The following TAFA1 variants were observed in gnomAD, a reference collection of about 807,000 sequenced individuals.
The protein encoded by TAFA1 is TAFA chemokine like family member 1, also known as chemokine-like protein TAFA-1.
In TAFA1, 4 loss-of-function variants were observed where a neutral mutation model predicts 18.5. The ratio of observed to expected loss-of-function variants is 0.22; its 90% confidence interval spans 0.11 to 0.49. The LOEUF is 0.49. TAFA1 is among the 20% of genes least tolerant of loss of function. TAFA1 has a pLI of 0.98. For synonymous variants in TAFA1, 56 were observed against 55.2 expected, an observed-to-expected ratio of 1.01 and a Z score of -0.06; for missense variants, 147 against 169.0, an observed-to-expected ratio of 0.87 and a Z score of 0.72.
At chr3:68,407,053 C>T (rs910456267) in intron 2 of TAFA1, among the ~76,000 whole-genome samples, 2 of 151,986 alleles carry the variant, frequency 1.3e-5, no homozygotes, top group African/African-American at 4.8e-5. Flanking sequence ...AATTTTATTT[C>T]AGGGAGATAA....
chr3:68,059,886 T>C (rs2064580079), intron 2 of TAFA1, among the ~76,000 whole-genome samples: 1 of 152,134 alleles, frequency 6.6e-6, no homozygotes, highest in Non-Finnish European at 1.5e-5. Flanking sequence ...AAGCCTAAAT[T>C]GCTGGGTGCA....
intron 2 of TAFA1, among the ~76,000 whole-genome samples, chr3:68,033,576 T>C (rs78358560): frequency 0.017 from 2,616 of 152,300 alleles, 68 homozygotes; most frequent in African/African-American, 0.059. Flanking sequence ...TGTACTTTTA[T>C]ATGCATGTAA....
At chr3:68,085,383 A>C (rs1335342747) in intron 2 of TAFA1, among the ~76,000 whole-genome samples, 1 of 152,348 alleles carries the variant, frequency 6.6e-6, no homozygotes, top group Non-Finnish European at 1.5e-5. Flanking sequence ...TTATTTGATT[A>C]TGATTACATG....
At chr3:68,327,795 G>T (rs967494941) in intron 2 of TAFA1, among the ~76,000 whole-genome samples, 2 of 152,080 alleles carry the variant, frequency 1.3e-5, no homozygotes, top group Admixed American at 6.6e-5. Flanking sequence ...ATTAATGAAG[G>T]CTTTTCAAAT....
intron 2 of TAFA1, among the ~76,000 whole-genome samples, chr3:68,076,473 C>T (rs1334985050): frequency 7.4e-6 from 1 of 134,350 alleles, no homozygotes; most frequent in Non-Finnish European, 1.6e-5. Flanking sequence ...CCACCCCCCA[C>T]CAGTCCCCAG....
chr3:68,358,844 AACTG>A (rs2069416428), intron 2 of TAFA1, among the ~76,000 whole-genome samples: 1 of 151,620 alleles, frequency 6.6e-6, no homozygotes, highest in Non-Finnish European at 1.5e-5. Flanking sequence ...CATTTTTGTA[AACTG>A]TTGTCACCAA....
chr3:68,269,290 C>A (rs1296063996), intron 2 of TAFA1, among the ~76,000 whole-genome samples: 1 of 150,968 alleles, frequency 6.6e-6, no homozygotes, highest in African/African-American at 2.4e-5. Context: ...CCTATCTTTA[C>A]AATTTCTTTT....
intron 2 of TAFA1, among the ~76,000 whole-genome samples, chr3:68,409,455 G>C (rs998503264): frequency 1.4e-4 from 21 of 150,134 alleles, no homozygotes; most frequent in African/African-American, 4.5e-4. Context: ...TATAAAATCT[G>C]ATGATTTTAA....
chr3:68,410,704 GCAAAAAAAA>G (rs2070698238), intron 2 of TAFA1, among the ~76,000 whole-genome samples: 1 of 1,378 alleles, frequency 7.3e-4, no homozygotes, highest in Non-Finnish European at 1.5e-3. Flanking sequence ...TTTTCCATAA[GCAAAAAAAA>G]AAAAAAAAAA....
intron 2 of TAFA1, among the ~76,000 whole-genome samples, chr3:68,332,652 A>G (rs1398941804): frequency 6.6e-6 from 1 of 152,234 alleles, no homozygotes; most frequent in Non-Finnish European, 1.5e-5. Flanking sequence ...GAAGGAGACC[A>G]ACAGGTATGT....
At chr3:68,264,979 A>G (rs12330558) in intron 2 of TAFA1, among the ~76,000 whole-genome samples, 11,902 of 152,220 alleles carry the variant, frequency 0.078, 511 homozygotes, top group South Asian at 0.12. Context: ...ATGTCTCTCC[A>G]TATAGAATTC....
intron 2 of TAFA1, among the ~76,000 whole-genome samples, chr3:68,160,827 G>A (rs1429218338): frequency 6.6e-6 from 1 of 152,206 alleles, no homozygotes; most frequent in Non-Finnish European, 1.5e-5. Context: ...GGAGGAGAAA[G>A]GGTTTAGGTC....
intron 3 of TAFA1, among the ~76,000 whole-genome samples, chr3:68,518,130 T>C (rs1050458809): frequency 2.6e-5 from 4 of 152,240 alleles, no homozygotes; most frequent in Non-Finnish European, 5.9e-5. Context: ...CATCCCTTTT[T>C]CAACCTCCTC....
intron 2 of TAFA1, among the ~76,000 whole-genome samples, chr3:68,251,508 A>G (rs1343618413): frequency 1.3e-5 from 2 of 152,218 alleles, no homozygotes; most frequent in Non-Finnish European, 2.9e-5. Context: ...TGAAGAAAAC[A>G]AAGATTTGCA....
chr3:68,376,243 A>C (rs1406402199), intron 2 of TAFA1, among the ~76,000 whole-genome samples: 2 of 150,886 alleles, frequency 1.3e-5, no homozygotes, highest in Non-Finnish European at 3.0e-5. Context: ...ATTCTATCCT[A>C]GTTCTTTTTT....
intron 2 of TAFA1, among the ~76,000 whole-genome samples, chr3:68,391,366 A>G (rs1386772703): frequency 2.0e-5 from 3 of 152,202 alleles, no homozygotes; most frequent in Non-Finnish European, 4.4e-5. Context: ...GGACTATGTG[A>G]AAAGACCAGA....
At chr3:68,010,523 A>T (rs972348298) in intron 2 of TAFA1, among the ~76,000 whole-genome samples, 2 of 152,216 alleles carry the variant, frequency 1.3e-5, no homozygotes, top group African/African-American at 2.4e-5. Context: ...TTCTCAATGC[A>T]GTGGGTTTGT....
chr3:68,022,966 G>GT (rs752272309), intron 2 of TAFA1, among the ~76,000 whole-genome samples: 1,971 of 122,062 alleles, frequency 0.016, 35 homozygotes, highest in African/African-American at 0.049. Flanking sequence ...AGTTACTCTT[G>GT]TTTTTTTTTT....
chr3:68,450,590 A>G (rs2106893612), intron 3 of TAFA1, among the ~76,000 whole-genome samples: 1 of 152,338 alleles, frequency 6.6e-6, no homozygotes, highest in Admixed American at 6.5e-5. Context: ...CCACTGCACA[A>G]GAGTGAAAAG....
Sources: allele counts gnomAD v4.1 joint callset (sites outside exome capture counted in the v4.1 genomes callset), GRCh38; gene constraint gnomAD v4.1.1; transcripts MANE v1.5; gene names NCBI Gene and HGNC (gene_info 2026-07-23, HGNC 2026-07-21).